ZBED1: variants seen among roughly 807,000 people sequenced by gnomAD.
ZBED1 encodes the protein zinc finger BED-type containing 1.
In ZBED1, 19 loss-of-function variants were observed where a neutral mutation model predicts 49.7. That is an observed-to-expected ratio of 0.38 (90% confidence interval 0.27 to 0.56). The LOEUF is 0.56. Among genes scored for constraint, ZBED1 ranks in the 20% least tolerant of loss-of-function variants. The pLI, the probability that ZBED1 is intolerant of heterozygous loss-of-function variation, is 0.70. For missense variants in ZBED1, 806 were observed against 972.6 expected (o/e 0.83, Z 2.28); for synonymous variants, 439 against 440.3 (o/e 1.00, Z 0.04).
chrX:2,488,855 AAGAGACGCTC>A lies in ZBED1; in HGVS notation c.1855_1864del (p.Glu619SerfsTer94). ...GCTGACCACGTTGGCGGCGGATCCG[AAGAGACGCTC>A]AGGGGCGACGCGCGTGGCCGTCACG... On this transcript the variant is annotated frameshift_variant, in exon 2 of 2. Coordinates refer to ENST00000652001, the MANE Select transcript of ZBED1 (RefSeq NM_001171136.2). LOFTEE classifies it high-confidence loss of function. 1 of 1,613,674 alleles carries A rather than the reference AAGAGACGCTC, an allele frequency of 6.2e-7. No homozygotes were observed. The highest frequency in any genetic ancestry group is 8.5e-7 in the Non-Finnish European group (1 of 1,179,778).
chrX:2,489,148 G>T lies in ZBED1; in HGVS notation c.1572C>A (p.Pro524=), dbSNP rs149923435. ...RPAEDKIFPV[P]EEPPVKKLMR... The stretch of plus-strand genomic sequence containing the variant: ...TGAGCTTCTTGACGGGAGGCTCCTC[G>T]GGCACCGGGAAGATCTTGTCCTCAG... Residue 524 remains proline, a synonymous_variant, in exon 2 of 2, where the codon CCC becomes CCA. Transcript: ENST00000652001. 6.2e-7 allele frequency: 1 copy of T among 1,613,518 alleles called. No individual in the cohort carries two copies. Among genetic ancestry groups the T allele is most frequent in the South Asian group, 1.1e-5 (1 of 91,064 alleles).
At chrX:2,499,235 C>T (rs1167526888) in intron 1 of ZBED1, among the ~76,000 whole-genome samples, 1 of 152,088 alleles carries the variant, frequency 6.6e-6, no homozygotes, top group African/African-American at 2.4e-5. Flanking sequence ...TAGTGTCTTC[C>T]AGAGGCCTCC....
In ZBED1 at chrX:2,490,040, G is replaced by A. The variant is rs1248685568; in HGVS notation, c.680C>T (p.Ser227Phe). ...FLGLGAPNCLSMGSRCLKTFE... is the reference protein window; with the variant it reads ...FLGLGAPNCLFMGSRCLKTFE... ...GGTCTTCAGGCAGCGGGAGCCCATG[G>A]ACAGGCAGTTGGGGGCGCCCAGGCC... Residue 227 changes from serine to phenylalanine, a missense_variant, in exon 2 of 2, where the codon TCC becomes TTC. Physicochemically the swap from Ser to Phe is radical, Grantham distance 155 (BLOSUM62 -2). Coordinates refer to ENST00000652001, the MANE Select transcript of ZBED1 (RefSeq NM_001171136.2). The A allele has an allele frequency of 2.5e-6, 4 of 1,613,832 alleles. No homozygotes were observed. Among genetic ancestry groups the A allele is most frequent in the Non-Finnish European group, 3.4e-6 (4 of 1,179,868 alleles).
Position 2,488,868 on chromosome X carries a change from G to A in ZBED1, c.1852C>T (p.Pro618Ser). 1 of 1,613,196 alleles carries A rather than the reference G, an allele frequency of 6.2e-7. No individual in the cohort carries two copies. Among genetic ancestry groups the A allele is most frequent in the Non-Finnish European group, 8.5e-7 (1 of 1,179,482 alleles). Residue 618 changes from proline to serine, a missense_variant, in exon 2 of 2, where the codon CCT becomes TCT. Pro to Ser is a moderately conservative substitution (Grantham distance 74). Transcript: ENST00000652001. ...GCGGCGGATCCGAAGAGACGCTCAGGGGCGACGCGCGTGGCCGTCACGCAC... is the reference window on the plus strand; with the variant it reads ...GCGGCGGATCCGAAGAGACGCTCAGAGGCGACGCGCGTGGCCGTCACGCAC... ...YWCVTATRVA[P>S]ERLFGSAANV...
chrX:2,498,330 A>T (rs142457891), intron 1 of ZBED1, among the ~76,000 whole-genome samples: 5,723 of 152,322 alleles, frequency 0.038, 144 homozygotes, highest in Middle Eastern at 0.12. Context: ...GACAAAGTTC[A>T]ATGTTTCCTC....
chrX:2,492,222 G>A (rs1441845966), intron 1 of ZBED1, among the ~76,000 whole-genome samples: 2 of 152,132 alleles, frequency 1.3e-5, no homozygotes, highest in Non-Finnish European at 2.9e-5. Context: ...ATGAAGGTAA[G>A]GATCTTTAGA....
At position 2,488,181 on chromosome X, in the gene ZBED1, G is replaced by T. The variant is rs2044998151; in HGVS notation, c.*454C>A. ...AAACCCACTCAAAGCCACCTCTCTT[G>T]TGTCTTCTTTTTTCTTTTTGAGAGA... is the stretch of plus-strand genomic sequence containing the variant. On this transcript the variant is annotated 3_prime_UTR_variant, in exon 2 of 2. Transcript: ENST00000652001. 1 of 157,886 alleles carries T rather than the reference G, an allele frequency of 6.3e-6. No individual in the cohort carries two copies. Among genetic ancestry groups the T allele is most frequent in the Admixed American group, 6.5e-5 (1 of 15,410 alleles). 9.8% of individuals were successfully genotyped at this position (157,886 alleles called of 1,614,324 possible). A position where few individuals can be genotyped will look rare whatever the true frequency, so the allele number is the denominator to read the frequency against.
At chrX:2,495,831 C>G (rs965151316) in intron 1 of ZBED1, among the ~76,000 whole-genome samples, 5 of 152,102 alleles carry the variant, frequency 3.3e-5, no homozygotes, top group Admixed American at 3.3e-4. Flanking sequence ...GGCGATTTCA[C>G]GTTTCCAATT....
At chrX:2,492,122 C>A (rs35528491) in intron 1 of ZBED1, among the ~76,000 whole-genome samples, 18,169 of 152,156 alleles carry the variant, frequency 0.12, 1,694 homozygotes, top group East Asian at 0.54. Flanking sequence ...GGTTGAAAAG[C>A]GTCCTCCCCT....
At chrX:2,495,673 T>C (rs2124131276) in intron 1 of ZBED1, among the ~76,000 whole-genome samples, 1 of 150,620 alleles carries the variant, frequency 6.6e-6, no homozygotes, top group South Asian at 2.1e-4. Flanking sequence ...CCTCCTCCCT[T>C]GCAGCGCTTC....
chrX:2,493,334 A>C (rs1017341516), intron 1 of ZBED1, among the ~76,000 whole-genome samples: 26 of 151,902 alleles, frequency 1.7e-4, no homozygotes, highest in East Asian at 5.8e-4. Flanking sequence ...TCATCATCAT[A>C]TTATTATTTG....
chrX:2,488,700 C>T lies in ZBED1; in HGVS notation c.2020G>A (p.Val674Met), dbSNP rs773889535. The change falls in exon 2 of 2, where the codon GTG becomes ATG. Residue 674 changes from valine to methionine, a missense_variant. Transcript: ENST00000652001. ...EGEWGLDQEQ[V>M]FSLGDGVSGG... ...CTGACGCCATCCCCCAAGGAGAACACCTGCTCCTGGTCCAGGCCCCACTCC... is the reference window on the plus strand; with the variant it reads ...CTGACGCCATCCCCCAAGGAGAACATCTGCTCCTGGTCCAGGCCCCACTCC... The T allele has an allele frequency of 1.1e-5, 17 of 1,613,854 alleles. No homozygotes were observed. The highest frequency in any genetic ancestry group is 1.4e-5 in the Non-Finnish European group (17 of 1,179,852).
Position 2,490,079 on chromosome X carries a change from G to A in ZBED1, c.641C>T (p.Ala214Val). 6.2e-7 allele frequency: 1 copy of A among 1,613,798 alleles called. No individual in the cohort carries two copies. Among genetic ancestry groups the A allele is most frequent in the Non-Finnish European group, 8.5e-7 (1 of 1,179,874 alleles). Residue 214 changes from alanine to valine, a missense_variant, in exon 2 of 2, where the codon GCC becomes GTC. Coordinates refer to ENST00000652001, the MANE Select transcript of ZBED1 (RefSeq NM_001171136.2). The part of the protein sequence containing the change: ...ENQNRAYVTL[A>V]AHFLGLGAPN... ...GGCGCCCAGGCCCAGGAAGTGGGCGGCCAGCGTGACGTAGGCGCGGTTCTG... is the reference window on the plus strand; with the variant it reads ...GGCGCCCAGGCCCAGGAAGTGGGCGACCAGCGTGACGTAGGCGCGGTTCTG...
Position 2,489,260 on chromosome X carries a change from G to A in ZBED1, c.1460C>T (p.Ala487Val). ...ATTCTCCACCTGCTGCCGCTCGAAG[G>A]CGGAGAGGAAGGGCAGCCTCTTGTA... ...PRYKRLPFLS[A>V]FERQQVENRV... The change falls in exon 2 of 2, where the codon GCC becomes GTC. Residue 487 changes from alanine to valine, a missense_variant. By Grantham distance (64) the Ala-to-Val change is moderately conservative. Around this residue, in one of 2 missense-constraint regions of ZBED1, gnomAD observed 749 missense variants for 861.3 expected, o/e 0.87. Coordinates refer to ENST00000652001, the MANE Select transcript of ZBED1 (RefSeq NM_001171136.2). The A allele has an allele frequency of 1.9e-6, 3 of 1,613,962 alleles. No homozygotes were observed. The highest frequency in any genetic ancestry group is 2.5e-6 in the Non-Finnish European group (3 of 1,179,854).
intron 1 of ZBED1, among the ~76,000 whole-genome samples, chrX:2,494,547 C>G (rs1272194834): frequency 6.6e-6 from 1 of 151,694 alleles, no homozygotes; most frequent in Admixed American, 6.6e-5. Flanking sequence ...GTCCGGGTAC[C>G]TGGAACAAAA....
At position 2,486,453 on chromosome X, in the gene ZBED1, T is replaced by C. The variant is rs1048036473; in HGVS notation, c.*2182A>G. 41 of 152,198 alleles carry C rather than the reference T, an allele frequency of 2.7e-4. No individual in the cohort carries two copies. Among genetic ancestry groups the C allele is most frequent in the African/African-American group, 7.2e-4 (30 of 41,446 alleles). The allele number at this position is 152,198 out of a possible 1,614,324, so 9.4% of individuals were successfully genotyped here. A position where few individuals can be genotyped will look rare whatever the true frequency, so the allele number is the denominator to read the frequency against. ...GAGCTAATGCATTGCTCTGGTTTAT[T>C]GAACAACAGTCCAACTTTACAGCAT... On this transcript the variant is annotated 3_prime_UTR_variant, in exon 2 of 2. Coordinates refer to ENST00000652001, the MANE Select transcript of ZBED1 (RefSeq NM_001171136.2).
chrX:2,487,369 T>C lies in ZBED1; in HGVS notation c.*1266A>G, dbSNP rs1370156735. On this transcript the variant is annotated 3_prime_UTR_variant, in exon 2 of 2. Transcript: ENST00000652001. Reference sequence around the variant, plus strand: ...ACCTCCGGACCCGTGAGCCACCCACTTTTGTTTTGTTTTGAGACGGAGTCT... The same window carrying C: ...ACCTCCGGACCCGTGAGCCACCCACCTTTGTTTTGTTTTGAGACGGAGTCT... 1 of 105,876 alleles carries C rather than the reference T, an allele frequency of 9.4e-6. No homozygotes were observed. 6.6% of individuals were successfully genotyped at this position (105,876 alleles called of 1,614,324 possible).
Position 2,490,636 on chromosome X carries a change from A to C in ZBED1, c.84T>G (p.Tyr28Ter), listed in dbSNP as rs766597584. 6.2e-7 allele frequency: 1 copy of C among 1,613,902 alleles called. No homozygotes were observed. The highest frequency in any genetic ancestry group is 1.3e-5 in the African/African-American group (1 of 75,020). ...CCTCGGCGTTGGTGTCGAAGCCGAA[A>C]TACTTCCACACCTTGCTCTTGGCGC... ...HPRAKSKVWK[Y>*]FGFDTNAEGC... The change falls in exon 2 of 2, where the codon TAT becomes TAG. Residue 28 changes from tyrosine (Y) to a stop codon, truncating the protein, a stop_gained. Coordinates refer to ENST00000652001, the MANE Select transcript of ZBED1 (RefSeq NM_001171136.2). LOFTEE classifies it high-confidence loss of function.
At chrX:2,497,957 GGCC>G (rs2045322749) in intron 1 of ZBED1, among the ~76,000 whole-genome samples, 1 of 152,040 alleles carries the variant, frequency 6.6e-6, no homozygotes, top group Admixed American at 6.6e-5. Flanking sequence ...TTACTGAATG[GGCC>G]GCATGGATAT....
Sources: gnomAD v4.1 joint callset for allele counts (sites outside exome capture counted in the v4.1 genomes callset) on GRCh38, gnomAD v4.1.1 for gene constraint, gnomAD v4.1.1 regional missense constraint, MANE v1.5 for transcripts, NCBI Gene and HGNC (gene_info 2026-07-23, HGNC 2026-07-21) for gene names.